The following JAK2 variants were observed in gnomAD, a reference collection of about 807,000 sequenced individuals.
The protein encoded by JAK2 is tyrosine-protein kinase JAK2.
A neutral mutation model predicts 139.3 loss-of-function variants in JAK2; 86 were observed. The observed-to-expected ratio is 0.62, with a 90% CI of 0.52 to 0.74. JAK2 has a LOEUF of 0.74. Ranked by LOEUF, JAK2 falls within the 30% of genes least tolerant of loss-of-function variation. The probability of loss-of-function intolerance (pLI) is 0.00; values close to 1 mark genes in which losing one functional copy is unlikely to be tolerated. For missense variants in JAK2, 1,421 were observed against 1,360.3 expected (o/e 1.04, Z -0.70); for synonymous variants, 490 against 437.7 (o/e 1.12, Z -1.49).
At chr9:5,042,276 T>A (rs974870651) in intron 4 of JAK2, among the ~76,000 whole-genome samples, 2 of 151,770 alleles carry the variant, frequency 1.3e-5, no homozygotes, top group Admixed American at 1.3e-4. Flanking sequence ...TAGCTGGGAC[T>A]ACAGGCGCCC....
At chr9:5,091,780 A>C (rs1488286152) in intron 22 of JAK2, among the ~76,000 whole-genome samples, 1 of 152,110 alleles carries the variant, frequency 6.6e-6, no homozygotes, top group Non-Finnish European at 1.5e-5. Flanking sequence ...TGAATGGTGA[A>C]TTGTAGCTGA....
At chr9:5,017,249 A>G (rs1254186860) in intron 2 of JAK2, among the ~76,000 whole-genome samples, 1 of 152,234 alleles carries the variant, frequency 6.6e-6, no homozygotes, top group Non-Finnish European at 1.5e-5. Context: ...ACAGAGCCCC[A>G]CTGAAAGGTC....
At chr9:5,085,998 T>C in intron 19 of JAK2, 2 of 876,958 alleles carry the variant, frequency 2.3e-6, no homozygotes, top group Non-Finnish European at 2.0e-6. Context: ...GGTTGTGTGA[T>C]GAAACTGTGA....
chr9:5,047,083 G>A (rs1817061027), intron 5 of JAK2, among the ~76,000 whole-genome samples: 1 of 151,996 alleles, frequency 6.6e-6, no homozygotes, highest in South Asian at 2.1e-4. Flanking sequence ...TCTAAATTAT[G>A]TCTAGATAGT....
Position 5,054,528 on chromosome 9 carries a change from G to GTT in JAK2, c.615-32_615-31dup. The GTT allele has an allele frequency of 6.7e-7, 1 of 1,496,770 alleles. No individual in the cohort carries two copies. The highest frequency in any genetic ancestry group is 9.0e-7 in the Non-Finnish European group (1 of 1,111,170). 92.7% of individuals were successfully genotyped at this position (1,496,770 alleles called of 1,614,324 possible). A position where few individuals can be genotyped will look rare whatever the true frequency, so the allele number is the denominator to read the frequency against. Reference sequence around the variant, plus strand: ...AGATTTATCTTCCAATTTTTGTTTTGTTTTGTTTTTCTGTATGTGCTTTTT... The same window carrying GTT: ...AGATTTATCTTCCAATTTTTGTTTTGTTTTTTGTTTTTCTGTATGTGCTTTTT... On this transcript the variant is annotated intron_variant, in intron 6 of 24. Transcript: ENST00000381652. The surrounding 1 kb of genome is among the most constrained non-coding windows in gnomAD (Gnocchi z 4.9).
At chr9:5,101,867 AG>A in intron 22 of JAK2, among the ~76,000 whole-genome samples, 1 of 152,234 alleles carries the variant, frequency 6.6e-6, no homozygotes, top group Non-Finnish European at 1.5e-5. Context: ...ATCAACAAAA[AG>A]GGCATCCACA....
intron 9 of JAK2, 148 bp downstream of exon 9, chr9:5,065,188 TAATA>T: frequency 4.4e-6 from 2 of 455,716 alleles, no homozygotes; most frequent in Non-Finnish European, 7.6e-6. Context: ...TCAGATTACA[TAATA>T]ATTAGAATTA....
At chr9:5,089,458 A>T (rs1030938298) in intron 19 of JAK2, among the ~76,000 whole-genome samples, 13 of 146,438 alleles carry the variant, frequency 8.9e-5, no homozygotes, top group African/African-American at 3.1e-4. Context: ...GAATGGTGTG[A>T]ACCCAGGGGG....
In JAK2 at chr9:5,054,729, C is replaced by A; in HGVS notation, c.781C>A (p.Leu261Met). The change falls in exon 7 of 25, where the codon CTG (leucine) becomes ATG (methionine). Residue 261 changes from leucine to methionine, a missense_variant. Physicochemically the swap from Leu to Met is conservative, Grantham distance 15 (BLOSUM62 2). Coordinates refer to ENST00000381652, the MANE Select transcript of JAK2 (RefSeq NM_004972.4). This position sits in a 1 kb window ranked among gnomAD's most constrained non-coding sequence, Gnocchi z 4.9. ...KLKYLINLET[L>M]QSAFYTEKFE... ...TAAGTATCTTATAAATCTGGAAACT[C>A]TGCAGTCTGCCTTCTACACAGAGAA... 3 of 1,613,340 alleles carry A rather than the reference C, an allele frequency of 1.9e-6. No individual in the cohort carries two copies. The highest frequency in any genetic ancestry group is 2.5e-6 in the Non-Finnish European group (3 of 1,179,450).
At chr9:5,049,487 T>C (rs1288398017) in intron 5 of JAK2, among the ~76,000 whole-genome samples, 1 of 152,234 alleles carries the variant, frequency 6.6e-6, no homozygotes, top group Non-Finnish European at 1.5e-5. Context: ...TTAAACACAC[T>C]GTGAAGTTTC....
intron 22 of JAK2, chr9:5,114,157 A>T (rs1456413573): frequency 2.4e-6 from 1 of 415,652 alleles, no homozygotes; most frequent in Non-Finnish European, 4.8e-6. Context: ...GACAGTGCCA[A>T]GAAGTGTGCA....
chr9:5,089,865 T>G lies in JAK2; in HGVS notation c.2761+2T>G. 1 of 1,465,618 alleles carries G rather than the reference T, an allele frequency of 6.8e-7. No homozygotes were observed. The highest frequency in any genetic ancestry group is 9.0e-7 in the Non-Finnish European group (1 of 1,109,690). 90.8% of individuals were successfully genotyped at this position (1,465,618 alleles called of 1,614,324 possible). On this transcript the variant is annotated splice_donor_variant, in intron 20 of 24. Transcript: ENST00000381652. LOFTEE classifies it high-confidence loss of function. The stretch of plus-strand genomic sequence containing the variant: ...ACAAGGGAGTGTGCTACAGTGCTGG[T>G]AAGCTGCCCATTGAAACCTATTTTA...
intron 14 of JAK2, among the ~76,000 whole-genome samples, chr9:5,074,447 C>G (rs185047035): frequency 6.7e-6 from 1 of 148,378 alleles, no homozygotes; most frequent in African/African-American, 2.4e-5. Context: ...TTTGGTAATT[C>G]TAGCAACATT....
chr9:5,030,307 A>G (rs779048668), intron 4 of JAK2, among the ~76,000 whole-genome samples: 32 of 152,318 alleles, frequency 2.1e-4, no homozygotes, highest in Middle Eastern at 3.4e-3. Flanking sequence ...TGAAGAAAAG[A>G]GACTTTTCCC....
intron 24 of JAK2, 107 bp downstream of exon 24, chr9:5,126,553 C>A: frequency 1.1e-6 from 1 of 931,152 alleles, no homozygotes; most frequent in Non-Finnish European, 1.7e-6. Context: ...TCCAGATAAA[C>A]AGCATAATCA....
intron 4 of JAK2, among the ~76,000 whole-genome samples, chr9:5,042,440 A>G (rs1216848072): frequency 6.6e-6 from 1 of 152,102 alleles, no homozygotes; most frequent in African/African-American, 2.4e-5. Flanking sequence ...CCCGGCCAAG[A>G]CTGGCCAAAA....
At chr9:4,991,320 T>C (rs146345888) in intron 2 of JAK2, among the ~76,000 whole-genome samples, 284 of 152,328 alleles carry the variant, frequency 1.9e-3, no homozygotes, top group Non-Finnish European at 1.5e-3. Flanking sequence ...AGAACATTCT[T>C]CTGTTCATCT....
chr9:5,111,932 T>A (rs1299380324), intron 22 of JAK2: 13 of 348,806 alleles, frequency 3.7e-5, no homozygotes, highest in Admixed American at 2.9e-4. Flanking sequence ...ACTCTCCGGA[T>A]CACTCAAGCA....
intron 3 of JAK2, 110 bp downstream of exon 3, chr9:5,022,323 A>G (rs926799779): frequency 3.0e-6 from 2 of 659,674 alleles, no homozygotes; most frequent in Non-Finnish European, 4.9e-6. Flanking sequence ...TAATGCTTGT[A>G]TGGCTGGCGT....
Sources: gnomAD v4.1 joint callset for allele counts (sites outside exome capture counted in the v4.1 genomes callset) on GRCh38, gnomAD v4.1.1 for gene constraint, Gnocchi (gnomAD v3.1) non-coding constraint, MANE v1.5 for transcripts, NCBI Gene and HGNC (gene_info 2026-07-23, HGNC 2026-07-21) for gene names.